Variants in PARD3 observed in about 807,000 individuals in gnomAD.
PARD3 encodes partitioning defective 3 homolog.
In PARD3, 75 loss-of-function variants were observed where a neutral mutation model predicts 155.4. The ratio of observed to expected loss-of-function variants is 0.48; its 90% CI spans 0.40 to 0.58. The LOEUF is 0.58. Among genes scored for constraint, PARD3 ranks in the 20% least tolerant of loss-of-function variants. PARD3 has a pLI of 0.00. For synonymous variants in PARD3, 576 were observed against 610.5 expected (o/e 0.94, Z 0.83); for missense variants, 1,642 against 1,721.7 (o/e 0.95, Z 0.82).
intron 22 of PARD3, among the ~76,000 whole-genome samples, chr10:34,230,163 CA>C (rs1392407831): frequency 6.6e-6 from 1 of 152,060 alleles, no homozygotes; most frequent in Non-Finnish European, 1.5e-5. Context: ...TGAGCAACCA[CA>C]AATCAAAGAC....
intron 4 of PARD3, among the ~76,000 whole-genome samples, chr10:34,465,259 T>C (rs940073715): frequency 6.6e-6 from 1 of 152,144 alleles, no homozygotes; most frequent in African/African-American, 2.4e-5. Context: ...GGCATTTCCC[T>C]GCTTCTATAT....
chr10:34,660,483 A>C (rs1383203530), intron 2 of PARD3, among the ~76,000 whole-genome samples: 1 of 152,148 alleles, frequency 6.6e-6, no homozygotes, highest in African/African-American at 2.4e-5. Flanking sequence ...GATGTATGTC[A>C]CTGTGCACGG....
At chr10:34,675,592 T>A in intron 2 of PARD3, 1 of 130,324 alleles carries the variant, frequency 7.7e-6, no homozygotes, top group African/African-American at 3.3e-5. Flanking sequence ...ATACCCCAAC[T>A]TTTTTTTTTT....
chr10:34,679,203 T>C (rs1398205180), intron 2 of PARD3, among the ~76,000 whole-genome samples: 1 of 152,116 alleles, frequency 6.6e-6, no homozygotes. Flanking sequence ...TTCCACCACC[T>C]AAGTAACCCC....
chr10:34,113,043 G>A (rs888533560), intron 24 of PARD3, among the ~76,000 whole-genome samples: 2 of 152,114 alleles, frequency 1.3e-5, no homozygotes, highest in Non-Finnish European at 2.9e-5. Context: ...GGAAAATGCC[G>A]GCATGAAACC....
intron 22 of PARD3, among the ~76,000 whole-genome samples, chr10:34,242,312 G>T (rs1463663705): frequency 1.3e-5 from 2 of 152,084 alleles, no homozygotes; most frequent in Admixed American, 1.3e-4. Context: ...TGATAATCAG[G>T]TGACCTTGTC....
chr10:34,291,288 C>G (rs1956664570), intron 20 of PARD3, among the ~76,000 whole-genome samples: 2 of 152,252 alleles, frequency 1.3e-5, no homozygotes, highest in South Asian at 4.1e-4. Flanking sequence ...TTAAAAATCC[C>G]ACTGCAAGCT....
intron 3 of PARD3, among the ~76,000 whole-genome samples, chr10:34,492,395 T>C (rs939602348): frequency 1.3e-5 from 2 of 152,218 alleles, no homozygotes; most frequent in African/African-American, 2.4e-5. Flanking sequence ...CGCATGGCTC[T>C]AGTTTCCTCA....
intron 12 of PARD3, among the ~76,000 whole-genome samples, chr10:34,364,663 G>C (rs1839796338): frequency 6.6e-6 from 1 of 152,020 alleles, no homozygotes; most frequent in South Asian, 2.1e-4. Flanking sequence ...CAAACTCCTG[G>C]GCTCAAGCAA....
At chr10:34,774,390 TTC>T (rs1307505485) in intron 1 of PARD3, among the ~76,000 whole-genome samples, 1 of 152,154 alleles carries the variant, frequency 6.6e-6, no homozygotes, top group Non-Finnish European at 1.5e-5. Context: ...ACATGTGGTT[TTC>T]TGAGTGCTGC....
At chr10:34,634,790 T>C (rs574227207) in intron 2 of PARD3, among the ~76,000 whole-genome samples, 1 of 152,330 alleles carries the variant, frequency 6.6e-6, no homozygotes, top group Non-Finnish European at 1.5e-5. Context: ...TTTCCAGAAC[T>C]GGGAGCTTTT....
chr10:34,167,473 G>A (rs377011026), intron 22 of PARD3, among the ~76,000 whole-genome samples: 7 of 151,478 alleles, frequency 4.6e-5, no homozygotes, highest in African/African-American at 1.7e-4. Flanking sequence ...TAAATGACAA[G>A]ACTTTTTCCT....
At chr10:34,462,909 A>G (rs1589665446) in intron 4 of PARD3, among the ~76,000 whole-genome samples, 2 of 74,910 alleles carry the variant, frequency 2.7e-5, no homozygotes, top group Non-Finnish European at 5.1e-5. Context: ...AAAGGGGGAG[A>G]GGAGGGGAGA....
At chr10:34,500,671 C>G (rs2080632174) in intron 3 of PARD3, among the ~76,000 whole-genome samples, 1 of 152,074 alleles carries the variant, frequency 6.6e-6, no homozygotes, top group Admixed American at 6.6e-5. Context: ...GAACCCAGGG[C>G]ATGGAGGCTG....
intron 22 of PARD3, among the ~76,000 whole-genome samples, chr10:34,207,925 A>C (rs916780370): frequency 9.2e-5 from 14 of 152,212 alleles, no homozygotes; most frequent in Non-Finnish European, 1.5e-4. Context: ...CTGTCAAAAG[A>C]GGCTGTTATC....
At chr10:34,474,573 A>AT (rs2078582831) in intron 3 of PARD3, among the ~76,000 whole-genome samples, 1 of 152,184 alleles carries the variant, frequency 6.6e-6, no homozygotes, top group Admixed American at 6.5e-5. Context: ...GGGATCTGAA[A>AT]TTTTTTTATT....
intron 2 of PARD3, among the ~76,000 whole-genome samples, chr10:34,627,153 A>C (rs2092018383): frequency 6.6e-6 from 1 of 151,870 alleles, no homozygotes. Flanking sequence ...TTAGCCTCCC[A>C]AGTAGCTGGG....
intron 5 of PARD3, among the ~76,000 whole-genome samples, chr10:34,403,751 C>T: frequency 6.6e-6 from 1 of 152,190 alleles, no homozygotes; most frequent in East Asian, 1.9e-4. Context: ...TAACCAACAT[C>T]TTGAACGTGC....
At chr10:34,120,512 A>G (rs545415621) in intron 23 of PARD3, among the ~76,000 whole-genome samples, 1 of 152,250 alleles carries the variant, frequency 6.6e-6, no homozygotes, top group Admixed American at 6.5e-5. Context: ...GGCCATGTTG[A>G]TGAATTTTGG....
Sources: gnomAD v4.1 joint callset for allele counts (sites outside exome capture counted in the v4.1 genomes callset) on GRCh38, gnomAD v4.1.1 for gene constraint, MANE v1.5 for transcripts, NCBI Gene and HGNC (gene_info 2026-07-23, HGNC 2026-07-21) for gene names.